HSD17B1: variants seen among roughly 807,000 people sequenced by gnomAD.
HSD17B1 encodes the protein hydroxysteroid 17-beta dehydrogenase 1, also known as 17-beta-hydroxysteroid dehydrogenase type 1.
In HSD17B1, 16 loss-of-function variants were observed where a neutral mutation model predicts 22.7. The ratio of observed to expected loss-of-function variants is 0.71; its 90% CI spans 0.48 to 1.07. The LOEUF (loss-of-function observed/expected upper bound fraction) is 1.07, where lower values mean the gene tolerates loss of function less well. HSD17B1 is among the 50% of genes least tolerant of loss of function. The pLI is 0.00. For missense variants in HSD17B1, 533 were observed against 459.9 expected (o/e 1.16, Z -1.45); for synonymous variants, 243 against 211.0 (o/e 1.15, Z -1.31).
rs184564033 is a variant in HSD17B1 at position 42,554,231 on chromosome 17, C to T, written c.540-174C>T. On this transcript the variant is annotated intron_variant, in intron 4 of 5. Transcript: ENST00000585807. ...TGGGAGGGCTGCTCCGGCAGGAACC[C>T]GCGTTTCAAATGTTCTGGTTATCCC... 14 of 920,700 alleles carry T rather than the reference C, an allele frequency of 1.5e-5. No homozygotes were observed. The East Asian group carries it at 3.7e-4, about 24-fold the overall frequency. 57.0% of individuals were successfully genotyped at this position (920,700 alleles called of 1,614,324 possible). A position where few individuals can be genotyped will look rare whatever the true frequency, so the allele number is the denominator to read the frequency against.
rs2092951116 is a variant in HSD17B1 at position 42,553,511 on chromosome 17, A to C, written c.338A>C (p.Asp113Ala). The change falls in exon 3 of 6, where the codon GAC (aspartate) becomes GCC (alanine). Residue 113 changes from aspartate to alanine, a missense_variant. Asp to Ala is a moderately radical substitution (Grantham distance 126). Coordinates refer to ENST00000585807, the MANE Select transcript of HSD17B1 (RefSeq NM_000413.4). ...GAGGACGCCGTGGCCTCTGTGCTGG[A>C]CGTGAATGTAGTAGGGACTGTGCGG... ...LGEDAVASVL[D>A]VNVVGTVRML... 1 of 1,613,852 alleles carries C rather than the reference A, an allele frequency of 6.2e-7. No individual in the cohort carries two copies. Among genetic ancestry groups the C allele is most frequent in the Non-Finnish European group, 8.5e-7 (1 of 1,179,942 alleles).
Position 42,554,787 on chromosome 17 carries a change from C to T in HSD17B1, c.836C>T (p.Ala279Val), listed in dbSNP as rs778655953. The T allele has an allele frequency of 1.9e-6, 3 of 1,602,890 alleles. No individual in the cohort carries two copies. The highest frequency in any genetic ancestry group is 1.7e-6 in the Non-Finnish European group (2 of 1,179,696). The stretch of plus-strand genomic sequence containing the variant: ...CCCAGCGGCTCCAACTACGTCACCG[C>T]CATGCACCGGGAAGTGTTCGGCGAC... Reference protein sequence around the residue: ...DDPSGSNYVTAMHREVFGDVP... With the variant: ...DDPSGSNYVTVMHREVFGDVP... Residue 279 changes from alanine (A) to valine (V), a missense_variant, in exon 6 of 6, where the codon GCC becomes GTC. Coordinates refer to ENST00000585807, the MANE Select transcript of HSD17B1 (RefSeq NM_000413.4).
In HSD17B1 at chr17:42,553,806, A is replaced by G. The variant is rs779490029; in HGVS notation, c.458A>G (p.Asn153Ser). 9 of 1,613,082 alleles carry G rather than the reference A, an allele frequency of 5.6e-6. No homozygotes were observed. Among genetic ancestry groups the G allele is most frequent in the East Asian group, 4.5e-5 (2 of 44,850 alleles). ...CTCCCCACCTAAGGGCTGCCTTTCA[A>G]TGACGTTTATTGCGCCAGCAAGTTC... Reference protein sequence around the residue: ...SVGGLMGLPFNDVYCASKFAL... With the variant: ...SVGGLMGLPFSDVYCASKFAL... Residue 153 changes from asparagine to serine, a missense_variant, in exon 4 of 6, where the codon AAT (asparagine) becomes AGT (serine). Transcript: ENST00000585807.
intron 3 of HSD17B1, 22 bp downstream of exon 3, chr17:42,553,640 C>G (rs780684458): frequency 6.3e-7 from 1 of 1,598,786 alleles, no homozygotes; most frequent in Non-Finnish European, 8.5e-7. Context: ...GGAGTGGCCT[C>G]GGCAGCTCCA....
intron 2 of HSD17B1, 62 bp downstream of exon 2, chr17:42,553,353 A>G: frequency 2.5e-6 from 4 of 1,603,322 alleles, no homozygotes; most frequent in Non-Finnish European, 2.5e-6. Flanking sequence ...TGAAACCAAC[A>G]TGTTCCCAGG....
Position 42,554,835 on chromosome 17 carries a change from G to A in HSD17B1, c.884G>A (p.Gly295Glu), listed in dbSNP as rs772420270. Residue 295 changes from glycine to glutamate, a missense_variant, in exon 6 of 6, where the codon GGG becomes GAG. Physicochemically the swap from Gly to Glu is moderately conservative, Grantham distance 98. Transcript: ENST00000585807. ...FGDVPAKAEA[G>E]AEAGGGAGPG... ...GACGTTCCGGCAAAGGCCGAGGCTG[G>A]GGCCGAGGCTGGGGGCGGGGCCGGG... is the stretch of plus-strand genomic sequence containing the variant. 7 of 1,595,192 alleles carry A rather than the reference G, an allele frequency of 4.4e-6. No homozygotes were observed. Among genetic ancestry groups the A allele is most frequent in the Non-Finnish European group, 5.9e-6 (7 of 1,177,300 alleles).
rs753438269 is a variant in HSD17B1, at chr17:42,552,963, C to G, written c.30C>G (p.Gly10=). The G allele has an allele frequency of 2.5e-6, 4 of 1,614,042 alleles. No individual in the cohort carries two copies. Among genetic ancestry groups the G allele is most frequent in the Non-Finnish European group, 3.4e-6 (4 of 1,180,034 alleles). Residue 10 remains glycine (G), a synonymous_variant, in exon 1 of 6, where the codon GGC becomes GGG. Coordinates refer to ENST00000585807, the MANE Select transcript of HSD17B1 (RefSeq NM_000413.4). ...CCCGCACCGTGGTGCTCATCACCGGCTGTTCCTCGGGCATCGGCCTGCACT... is the reference window on the plus strand; with the variant it reads ...CCCGCACCGTGGTGCTCATCACCGGGTGTTCCTCGGGCATCGGCCTGCACT... MARTVVLIT[G]CSSGIGLHLA...
At position 42,553,691 on chromosome 17, in the gene HSD17B1, G is replaced by A. The variant is rs2092952131; in HGVS notation, c.445+73G>A. 5 of 1,599,026 alleles carry A rather than the reference G, an allele frequency of 3.1e-6. No individual in the cohort carries two copies. In the South Asian group the frequency reaches 4.4e-5, roughly 14 times the overall value. On this transcript the variant is annotated intron_variant, in intron 3 of 5. Transcript: ENST00000585807. ...GAGCTGAGCCTTGAAGGCAGGTTCC[G>A]CGGGGGGGGTGGAGTGGGGTGCCGT... is the stretch of plus-strand genomic sequence containing the variant.
chr17:42,555,116 C>A lies in HSD17B1; in HGVS notation c.*178C>A. ...CCTGTAATGCCAGCGCTTTGGGAGG[C>A]GGAGGCAGGAGGATCGCTCAAGCCC... On this transcript the variant is annotated 3_prime_UTR_variant, in exon 6 of 6. Transcript: ENST00000585807. The A allele has an allele frequency of 7.7e-7, 1 of 1,297,160 alleles. No homozygotes were observed. Among genetic ancestry groups the A allele is most frequent in the Non-Finnish European group, 1.0e-6 (1 of 1,004,174 alleles). The allele number at this position is 1,297,160 out of a possible 1,614,324, so 80.4% of individuals were successfully genotyped here.
rs747367879 is a variant in HSD17B1, at chr17:42,554,473, A to T, written c.608A>T (p.Glu203Val). 3 of 1,613,628 alleles carry T rather than the reference A, an allele frequency of 1.9e-6. No individual in the cohort carries two copies. In the South Asian group the frequency reaches 3.3e-5, roughly 18 times the overall value. The change falls in exon 5 of 6, where the codon GAG (glutamate) becomes GTG (valine). Residue 203 changes from glutamate (E) to valine (V), a missense_variant. Physicochemically the swap from Glu to Val is moderately radical, Grantham distance 121. Coordinates refer to ENST00000585807, the MANE Select transcript of HSD17B1 (RefSeq NM_000413.4). Reference sequence around the variant, plus strand: ...GAGAAGGTGTTGGGCAGCCCAGAGGAGGTGCTGGACCGCACGGACATCCAC... The same window carrying T: ...GAGAAGGTGTTGGGCAGCCCAGAGGTGGTGCTGGACCGCACGGACATCCAC... The part of the protein sequence containing the change: ...FMEKVLGSPE[E>V]VLDRTDIHTF...
At chr17:42,554,277 T>C in intron 4 of HSD17B1, 128 bp from the exon 5 acceptor site, 1 of 1,329,710 alleles carries the variant, frequency 7.5e-7, no homozygotes, top group Admixed American at 2.7e-5. Flanking sequence ...TCCGCCTCAC[T>C]TCCCAGCGCA....
In HSD17B1 at chr17:42,553,461, G is replaced by T; in HGVS notation, c.288G>T (p.Leu96=). The T allele has an allele frequency of 3.1e-6, 5 of 1,613,264 alleles. No homozygotes were observed. Among genetic ancestry groups the T allele is most frequent in the Non-Finnish European group, 4.2e-6 (5 of 1,179,846 alleles). Residue 96 remains leucine (L), a synonymous_variant, in exon 3 of 6, where the codon CTG becomes CTT. Transcript: ENST00000585807. ...CAGTGTGTAACGCAGGCCTGGGCCT[G>T]CTGGGGCCGCTGGAGGCGCTGGGGG... The part of the protein sequence containing the change: ...DVLVCNAGLG[L]LGPLEALGED...
intron 5 of HSD17B1, 21 bp downstream of exon 5, chr17:42,554,603 C>G: frequency 6.2e-7 from 1 of 1,610,498 alleles, no homozygotes. Context: ...GGCTGGACTC[C>G]AGGAGTGGGG....
Position 42,553,120 on chromosome 17 carries a change from C to T in HSD17B1, c.98-4C>T, listed in dbSNP as rs1347436935. The T allele has an allele frequency of 1.2e-6, 2 of 1,613,824 alleles. No homozygotes were observed. The highest frequency in any genetic ancestry group is 8.5e-7 in the Non-Finnish European group (1 of 1,180,022). On this transcript the variant is annotated splice_region_variant and splice_polypyrimidine_tract_variant and intron_variant, in intron 1 of 5. Transcript: ENST00000585807. ...AGATCTTCCTCCTCTCCCAAAACCT[C>T]CAGTGTATGCCACGTTGAGGGACCT...
Position 42,553,784 on chromosome 17 carries a change from C to G in HSD17B1, c.446-10C>G. 2 of 1,612,416 alleles carry G rather than the reference C, an allele frequency of 1.2e-6. No homozygotes were observed. The highest frequency in any genetic ancestry group is 2.2e-5 in the South Asian group (2 of 90,802). Reference sequence around the variant, plus strand: ...CGCTGCGCCTCAGGAACCTCGTCTCCCCACCTAAGGGCTGCCTTTCAATGA... The same window carrying G: ...CGCTGCGCCTCAGGAACCTCGTCTCGCCACCTAAGGGCTGCCTTTCAATGA... On this transcript the variant is annotated splice_polypyrimidine_tract_variant and intron_variant, in intron 3 of 5. Transcript: ENST00000585807.
rs1193805887 is a variant in HSD17B1 at position 42,553,494 on chromosome 17, C to T, written c.321C>T (p.Ala107=). Residue 107 remains alanine, a synonymous_variant, in exon 3 of 6, where the codon GCC becomes GCT. Transcript: ENST00000585807. ...CGCTGGAGGCGCTGGGGGAGGACGCCGTGGCCTCTGTGCTGGACGTGAATG... is the reference window on the plus strand; with the variant it reads ...CGCTGGAGGCGCTGGGGGAGGACGCTGTGGCCTCTGTGCTGGACGTGAATG... ...LGPLEALGED[A]VASVLDVNVV... The T allele has an allele frequency of 6.2e-7, 1 of 1,613,880 alleles. No homozygotes were observed.
Position 42,554,589 on chromosome 17 carries a change from G to A in HSD17B1, c.717+7G>A. The A allele has an allele frequency of 6.2e-7, 1 of 1,612,584 alleles. No homozygotes were observed. Among genetic ancestry groups the A allele is most frequent in the African/African-American group, 1.3e-5 (1 of 75,022 alleles). ...CCCTGAGGAGGTGGCGGAGGTGAGC[G>A]CCGGGCTGGACTCCAGGAGTGGGGG... On this transcript the variant is annotated splice_region_variant and intron_variant, in intron 5 of 5. Transcript: ENST00000585807.
In HSD17B1 at chr17:42,553,443, T is replaced by C; in HGVS notation, c.270T>C (p.Cys90=). 4 of 1,612,476 alleles carry C rather than the reference T, an allele frequency of 2.5e-6. No individual in the cohort carries two copies. Among genetic ancestry groups the C allele is most frequent in the South Asian group, 1.1e-5 (1 of 91,068 alleles). The change falls in exon 3 of 6, where the codon TGT becomes TGC. Residue 90 remains cysteine (C), a synonymous_variant. Coordinates refer to ENST00000585807, the MANE Select transcript of HSD17B1 (RefSeq NM_000413.4). ...TCGGGCCTCTTGTCTCCGCAGTGTG[T>C]AACGCAGGCCTGGGCCTGCTGGGGC... ...VTEGRVDVLV[C]NAGLGLLGPL...
chr17:42,553,088 G>A (rs764154222), intron 1 of HSD17B1, 36 bp from the exon 2 acceptor site: 46 of 1,613,854 alleles, frequency 2.9e-5, no homozygotes, highest in East Asian at 4.5e-5. Flanking sequence ...AGGCCAGAAG[G>A]GAAGTCAGAT....
Sources: allele counts gnomAD v4.1 joint callset, GRCh38; gene constraint gnomAD v4.1.1; transcripts MANE v1.5; gene names NCBI Gene and HGNC (gene_info 2026-07-23, HGNC 2026-07-21).